Variants in SLFN12 observed in about 807,000 individuals in gnomAD.
SLFN12 encodes schlafen family member 12.
Under a neutral mutation model 29.1 loss-of-function variants are expected in SLFN12, and 25 were observed. The ratio of observed to expected loss-of-function variants is 0.86; its 90% CI spans 0.63 to 1.20. SLFN12 has a LOEUF of 1.20. Ranked by LOEUF, SLFN12 falls within the 50% of genes most tolerant of loss-of-function variation. The probability of loss-of-function intolerance (pLI) is 0.00; values close to 1 mark genes in which losing one functional copy is unlikely to be tolerated. For synonymous variants in SLFN12, 257 were observed against 238.7 expected, an observed-to-expected ratio of 1.08 and a Z score of -0.71; for missense variants, 660 against 666.2, an observed-to-expected ratio of 0.99 and a Z score of 0.10.
intron 1 of SLFN12, 84 bp from the exon 2 acceptor site, chr17:35,423,152 C>T: frequency 6.9e-7 from 1 of 1,443,998 alleles, no homozygotes; most frequent in Non-Finnish European, 9.2e-7. Context: ...GCAAAAAAAT[C>T]CTGTGCTGTA....
chr17:35,422,973 C>G lies in SLFN12; in HGVS notation c.56G>C (p.Gly19Ala). The G allele has an allele frequency of 3.7e-6, 6 of 1,613,658 alleles. No individual in the cohort carries two copies. Among genetic ancestry groups the G allele is most frequent in the Non-Finnish European group, 5.1e-6 (6 of 1,179,924 alleles). ...ACTGTTCTCTCCAAGAGTGACTCTT[C>G]CCACATCTAGAACCAACTCGGCATA... is the stretch of plus-strand genomic sequence containing the variant. ...TNYAELVLDV[G>A]RVTLGENSRK... is the part of the protein sequence containing the mutation. The change falls in exon 2 of 4, where the codon GGA becomes GCA. Residue 19 changes from glycine (G) to alanine (A), a missense_variant. Transcript: ENST00000304905.
intron 1 of SLFN12, among the ~76,000 whole-genome samples, chr17:35,430,980 GT>G (rs1912285376): frequency 6.6e-6 from 1 of 152,144 alleles, no homozygotes; most frequent in African/African-American, 2.4e-5. Flanking sequence ...TATCCTATGG[GT>G]TCTAGGTTGT....
At chr17:35,427,030 C>G (rs1004107983) in intron 1 of SLFN12, among the ~76,000 whole-genome samples, 3 of 152,136 alleles carry the variant, frequency 2.0e-5, no homozygotes, top group Non-Finnish European at 4.4e-5. Context: ...CACCTGAGAT[C>G]TGAGTTAGGG....
rs1406453543 is a variant in SLFN12 at position 35,411,368 on chromosome 17, C to T, written c.1707G>A (p.Lys569=). 10 of 1,567,444 alleles carry T rather than the reference C, an allele frequency of 6.4e-6. No homozygotes were observed. Among genetic ancestry groups the T allele is most frequent in the Non-Finnish European group, 8.6e-6 (10 of 1,159,496 alleles). Reference sequence around the variant, plus strand: ...TGAGCCTTCGACAAGATTTAAACATCTTTTTATCATTCTTCTGAAAGCAAT... The same window carrying T: ...TGAGCCTTCGACAAGATTTAAACATTTTTTTATCATTCTTCTGAAAGCAAT... ...GIDCFQKNDK[K]MFKSCRRLT is the part of the protein sequence containing the mutation. Residue 569 remains lysine (K), a synonymous_variant, in exon 4 of 4, where the codon AAG becomes AAA. Transcript: ENST00000304905.
chr17:35,416,937 T>C (rs1911352199), intron 3 of SLFN12, among the ~76,000 whole-genome samples: 1 of 152,024 alleles, frequency 6.6e-6, no homozygotes, highest in Non-Finnish European at 1.5e-5. Flanking sequence ...ACTAACAGTC[T>C]TCCCACAAAA....
chr17:35,425,161 G>A (rs75736133), intron 1 of SLFN12, among the ~76,000 whole-genome samples: 10,193 of 152,058 alleles, frequency 0.067, 596 homozygotes, highest in South Asian at 0.27. Context: ...GCTTGGCACA[G>A]TGGTTTGTGC....
Position 35,420,365 on chromosome 17 carries a change from A to C in SLFN12, c.1056T>G (p.Tyr352Ter), listed in dbSNP as rs1050891933. ...TATTTATTTGAGAGATCACCTCTTCATATGAACTGGAAAATTCTTAAAAAC... is the reference window on the plus strand; with the variant it reads ...TATTTATTTGAGAGATCACCTCTTCCTATGAACTGGAAAATTCTTAAAAAC... ...VEAEPKFSSSYEEVISQINTS... is the reference protein window; with the variant it reads ...VEAEPKFSSS Residue 352 changes from tyrosine to a stop codon, truncating the protein, a stop_gained, in exon 3 of 4, where the codon TAT becomes TAG. Transcript: ENST00000304905. LOFTEE classifies it high-confidence loss of function. 1.2e-6 allele frequency: 2 copies of C among 1,612,720 alleles called. No homozygotes were observed. Among genetic ancestry groups the C allele is most frequent in the Non-Finnish European group, 1.7e-6 (2 of 1,179,222 alleles).
At chr17:35,423,310 G>T (rs567991785) in intron 1 of SLFN12, among the ~76,000 whole-genome samples, 2 of 151,858 alleles carry the variant, frequency 1.3e-5, no homozygotes, top group East Asian at 3.9e-4. Context: ...CTCTTTATCC[G>T]CCTTTTTTCT....
At chr17:35,425,147 A>C (rs1012381227) in intron 1 of SLFN12, among the ~76,000 whole-genome samples, 22 of 151,924 alleles carry the variant, frequency 1.4e-4, no homozygotes, top group South Asian at 8.3e-4. Context: ...TAAAATAAGA[A>C]TTGGCTTGGC....
intron 1 of SLFN12, among the ~76,000 whole-genome samples, chr17:35,431,037 C>A (rs1912287894): frequency 6.6e-6 from 1 of 151,992 alleles, no homozygotes; most frequent in African/African-American, 2.4e-5. Flanking sequence ...CTTTCTTTAC[C>A]TGGTGAAAAT....
intron 1 of SLFN12, among the ~76,000 whole-genome samples, chr17:35,424,317 C>T (rs1911878967): frequency 6.7e-6 from 1 of 149,994 alleles, no homozygotes; most frequent in Non-Finnish European, 1.5e-5. Flanking sequence ...TTAAGTGTAA[C>T]TTTTAAGTTA....
intron 3 of SLFN12, among the ~76,000 whole-genome samples, chr17:35,415,464 C>T (rs1219372054): frequency 6.6e-6 from 1 of 152,026 alleles, no homozygotes; most frequent in Non-Finnish European, 1.5e-5. Flanking sequence ...GCAAAGAGTT[C>T]ATAACCAAGA....
At chr17:35,416,345 T>A (rs1911308775) in intron 3 of SLFN12, among the ~76,000 whole-genome samples, 1 of 152,020 alleles carries the variant, frequency 6.6e-6, no homozygotes, top group Non-Finnish European at 1.5e-5. Context: ...CTTTGGGGAC[T>A]CAAGGGGAAG....
At chr17:35,417,629 A>T (rs1033869531) in intron 3 of SLFN12, among the ~76,000 whole-genome samples, 2 of 152,078 alleles carry the variant, frequency 1.3e-5, no homozygotes, top group Non-Finnish European at 2.9e-5. Context: ...AGTTTTCTTC[A>T]GTTCATTAGG....
intron 3 of SLFN12, among the ~76,000 whole-genome samples, chr17:35,417,612 G>A (rs1364167231): frequency 6.6e-6 from 1 of 151,950 alleles, no homozygotes; most frequent in Non-Finnish European, 1.5e-5. Context: ...ATTAAGAATT[G>A]TCTAAAAGTT....
chr17:35,418,223 C>T (rs1284221312), intron 3 of SLFN12, among the ~76,000 whole-genome samples: 2 of 152,046 alleles, frequency 1.3e-5, no homozygotes, highest in Non-Finnish European at 2.9e-5. Flanking sequence ...GTGGCAGGGA[C>T]AGACAATTTG....
intron 1 of SLFN12, among the ~76,000 whole-genome samples, chr17:35,429,951 C>G (rs1567853671): frequency 6.6e-6 from 1 of 151,994 alleles, no homozygotes; most frequent in East Asian, 1.9e-4. Context: ...GGTCTGGACA[C>G]CCACCAAGCC....
chr17:35,423,279 A>C (rs1911815329), intron 1 of SLFN12, among the ~76,000 whole-genome samples: 1 of 152,070 alleles, frequency 6.6e-6, no homozygotes, highest in South Asian at 2.1e-4. Flanking sequence ...AGTTCTATAT[A>C]ATGTATTCTA....
At chr17:35,411,963 A>C (rs1177104103) in intron 3 of SLFN12, 36 bp from the exon 4 acceptor site, 1 of 1,446,624 alleles carries the variant, frequency 6.9e-7, no homozygotes, top group African/African-American at 1.4e-5. Flanking sequence ...ATTATAAAAC[A>C]CTAGGAAGTT....
Sources: allele counts gnomAD v4.1 joint callset (sites outside exome capture counted in the v4.1 genomes callset), GRCh38; gene constraint gnomAD v4.1.1; transcripts MANE v1.5; gene names NCBI Gene and HGNC (gene_info 2026-07-23, HGNC 2026-07-21).